LINGO2: variants seen among roughly 807,000 people sequenced by gnomAD.
The protein encoded by LINGO2 is leucine rich repeat and Ig domain containing 2.
In LINGO2, 14 loss-of-function variants were observed where a neutral mutation model predicts 30.6. The ratio of observed to expected loss-of-function variants is 0.46; its 90% confidence interval spans 0.30 to 0.72. The LOEUF (loss-of-function observed/expected upper bound fraction) is 0.72, where lower values mean the gene tolerates loss of function less well. Among genes scored for constraint, LINGO2 ranks in the 30% least tolerant of loss-of-function variants. LINGO2 has a pLI of 0.07. For missense variants in LINGO2, 729 were observed against 751.7 expected (o/e 0.97, Z 0.35); for synonymous variants, 317 against 288.5 (o/e 1.10, Z -1.00).
intron 4 of LINGO2, among the ~76,000 whole-genome samples, chr9:28,161,096 C>A (rs527740665): frequency 2.7e-4 from 41 of 152,230 alleles, no homozygotes; most frequent in African/African-American, 8.9e-4. Context: ...GCAGGGAGGG[C>A]AAAATTCAAA....
At chr9:28,362,800 T>A (rs1424148329) in intron 3 of LINGO2, among the ~76,000 whole-genome samples, 1 of 152,188 alleles carries the variant, frequency 6.6e-6, no homozygotes, top group Non-Finnish European at 1.5e-5. Flanking sequence ...ACTTGGACTC[T>A]AATTCTTCTA....
intron 3 of LINGO2, among the ~76,000 whole-genome samples, chr9:28,321,948 C>T (rs1413021997): frequency 1.3e-5 from 2 of 152,104 alleles, no homozygotes; most frequent in African/African-American, 2.4e-5. Flanking sequence ...AATTTTGATG[C>T]ATATTTTTAT....
chr9:28,749,173 A>G, the LINGO2 span, among the ~76,000 whole-genome samples: 3,767 of 152,072 alleles, frequency 0.025, 74 homozygotes, highest in Non-Finnish European at 0.035. Flanking sequence ...TCCTGTTGTC[A>G]TGTTTCTAAC....
At chr9:28,979,004 G>A in the LINGO2 span, among the ~76,000 whole-genome samples, 1 of 152,020 alleles carries the variant, frequency 6.6e-6, no homozygotes, top group Non-Finnish European at 1.5e-5. Flanking sequence ...GTGAGACTGA[G>A]CACTAAAAAA....
At chr9:28,208,979 C>T (rs1314043239) in intron 4 of LINGO2, among the ~76,000 whole-genome samples, 1 of 151,880 alleles carries the variant, frequency 6.6e-6, no homozygotes, top group Non-Finnish European at 1.5e-5. Context: ...TGTTCTTGTA[C>T]AACCAATTTA....
intron 1 of LINGO2, among the ~76,000 whole-genome samples, chr9:28,652,582 T>C (rs1828150812): frequency 6.6e-6 from 1 of 152,018 alleles, no homozygotes; most frequent in Non-Finnish European, 1.5e-5. Flanking sequence ...GGAGAATTCT[T>C]ACAAAACCAT....
chr9:28,384,950 A>C (rs1020243273), intron 2 of LINGO2, among the ~76,000 whole-genome samples: 8 of 152,120 alleles, frequency 5.3e-5, no homozygotes, highest in Non-Finnish European at 1.2e-4. Context: ...GTTGCCCTCA[A>C]AAAATCTAAG....
At position 28,351,189 on chromosome 9, in the gene LINGO2, C is replaced by A. The variant is rs1158402931; in HGVS notation, c.-246+21647G>T. 1.4e-3 allele frequency among the ~76,000 whole-genome samples: 217 copies of A among 149,712 alleles called. 2 individuals carry two copies. Among genetic ancestry groups the A allele is most frequent in the Non-Finnish European group, 1.2e-3 (78 of 67,430 alleles). ...GGAAAAAGAGACACAAAAAACCCTTCAAAAAATTAATGAATCCAGGAGCTG... is the reference window on the plus strand; with the variant it reads ...GGAAAAAGAGACACAAAAAACCCTTAAAAAAATTAATGAATCCAGGAGCTG... On this transcript the variant is annotated intron_variant, in intron 3 of 5. Coordinates refer to ENST00000379992, the Ensembl canonical transcript of LINGO2.
chr9:28,058,547 A>G (rs1825034780), intron 4 of LINGO2, among the ~76,000 whole-genome samples: 2 of 152,310 alleles, frequency 1.3e-5, no homozygotes, highest in South Asian at 4.1e-4. Context: ...AAGTAGATAA[A>G]TGACTTTAAT....
chr9:28,124,042 T>A (rs1258978532), intron 4 of LINGO2, among the ~76,000 whole-genome samples: 1 of 152,150 alleles, frequency 6.6e-6, no homozygotes, highest in East Asian at 1.9e-4. Context: ...TTTTTGATAA[T>A]AGAAAACACA....
intron 4 of LINGO2, among the ~76,000 whole-genome samples, chr9:28,263,918 A>G (rs1236600988): frequency 6.6e-6 from 1 of 152,008 alleles, no homozygotes; most frequent in African/African-American, 2.4e-5. Flanking sequence ...AAGCGTCTAT[A>G]TATGTATGTC....
intron 4 of LINGO2, among the ~76,000 whole-genome samples, chr9:28,100,933 G>C (rs1351310689): frequency 6.6e-6 from 1 of 152,056 alleles, no homozygotes; most frequent in East Asian, 1.9e-4. Context: ...TATTTTAGAG[G>C]GTCATTGCAT....
chr9:28,167,564 T>G (rs2133634383), intron 4 of LINGO2, among the ~76,000 whole-genome samples: 1 of 152,318 alleles, frequency 6.6e-6, no homozygotes, highest in South Asian at 2.1e-4. Flanking sequence ...TTTTGTTATT[T>G]TTAGTAGAGG....
At chr9:28,556,780 T>C (rs1822725698) in intron 1 of LINGO2, among the ~76,000 whole-genome samples, 1 of 152,024 alleles carries the variant, frequency 6.6e-6, no homozygotes, top group African/African-American at 2.4e-5. Context: ...AACAGCATGG[T>C]ACTGGTACCA....
the LINGO2 span, among the ~76,000 whole-genome samples, chr9:28,998,275 C>G: frequency 6.6e-6 from 1 of 152,140 alleles, no homozygotes; most frequent in Non-Finnish European, 1.5e-5. Context: ...TGCTATCTTT[C>G]AAGCCCATAT....
chr9:28,858,865 T>C, the LINGO2 span, among the ~76,000 whole-genome samples: 1 of 152,082 alleles, frequency 6.6e-6, no homozygotes, highest in African/African-American at 2.4e-5. Context: ...AAGGTAAACA[T>C]TTCCCAAACG....
downstream of LINGO2, among the ~76,000 whole-genome samples, chr9:27,945,188 A>C (rs1472338365): frequency 6.6e-6 from 1 of 152,176 alleles, no homozygotes; most frequent in Non-Finnish European, 1.5e-5. Flanking sequence ...AAGTTAATTT[A>C]CATGGGACTT....
At chr9:28,921,852 G>T in the LINGO2 span, among the ~76,000 whole-genome samples, 3 of 152,166 alleles carry the variant, frequency 2.0e-5, no homozygotes, top group South Asian at 4.1e-4. Context: ...GCAGGAGATT[G>T]CAGAGAAGGA....
At chr9:29,151,627 G>T in the LINGO2 span, among the ~76,000 whole-genome samples, 1 of 151,524 alleles carries the variant, frequency 6.6e-6, no homozygotes, top group Non-Finnish European at 1.5e-5. Context: ...AATAAAACAG[G>T]CTTTAAACCA....
Sources: gnomAD v4.1 joint callset for allele counts (sites outside exome capture counted in the v4.1 genomes callset) on GRCh38, gnomAD v4.1.1 for gene constraint, MANE v1.5 for transcripts, NCBI Gene and HGNC (gene_info 2026-07-23, HGNC 2026-07-21) for gene names.